CSMD1: variants seen among roughly 807,000 people sequenced by gnomAD.
CSMD1 encodes the protein CUB and Sushi multiple domains 1.
CSMD1 carries 213 observed loss-of-function variants against 417.5 expected under a neutral mutation model. The observed-to-expected ratio is 0.51, with a 90% confidence interval of 0.46 to 0.57. The LOEUF (loss-of-function observed/expected upper bound fraction) is 0.57, where lower values mean the gene tolerates loss of function less well. Among genes scored for constraint, CSMD1 ranks in the 20% least tolerant of loss-of-function variants. CSMD1 has a pLI of 0.00. For synonymous variants in CSMD1, 2,862 were observed against 1,736.8 expected, an observed-to-expected ratio of 1.65 and a Z score of -16.11; for missense variants, 6,923 against 4,529.7, an observed-to-expected ratio of 1.53 and a Z score of -15.17.
chr8:3,893,339 T>TTATATATATATATATATATATATATA (rs56848640), intron 5 of CSMD1, among the ~76,000 whole-genome samples: 6,535 of 78,656 alleles, frequency 0.083, 794 homozygotes, highest in Non-Finnish European at 0.12. Flanking sequence ...ATTCACAATT[T>TTATATATATATATATATATATATATA]TATATATATA....
At chr8:3,350,930 A>C (rs1808378146) in intron 21 of CSMD1, among the ~76,000 whole-genome samples, 1 of 152,328 alleles carries the variant, frequency 6.6e-6, no homozygotes, top group African/African-American at 2.4e-5. Flanking sequence ...AACTGTGCAA[A>C]ATTAACCATC....
intron 6 of CSMD1, among the ~76,000 whole-genome samples, chr8:3,730,681 C>G (rs1472455276): frequency 6.6e-6 from 1 of 152,144 alleles, no homozygotes; most frequent in Admixed American, 6.5e-5. Context: ...ATTTACTAAC[C>G]TCACCAAAAG....
chr8:4,701,831 G>C (rs1360686964), intron 1 of CSMD1, among the ~76,000 whole-genome samples: 5 of 152,142 alleles, frequency 3.3e-5, no homozygotes, highest in African/African-American at 1.2e-4. Context: ...TCTGGATGAA[G>C]AATCCCATGC....
intron 40 of CSMD1, among the ~76,000 whole-genome samples, chr8:3,143,727 C>A (rs905843928): frequency 1.3e-5 from 2 of 152,098 alleles, no homozygotes; most frequent in East Asian, 3.9e-4. Flanking sequence ...CTGCATGGTT[C>A]TTCTGTTTTT....
chr8:4,979,993 G>A (rs2117424182), intron 1 of CSMD1, among the ~76,000 whole-genome samples: 1 of 152,206 alleles, frequency 6.6e-6, no homozygotes, highest in Admixed American at 6.5e-5. Flanking sequence ...AGCCAAGATA[G>A]TGCACTGCAC....
chr8:4,219,771 T>G (rs2099902178), intron 3 of CSMD1, among the ~76,000 whole-genome samples: 1 of 152,214 alleles, frequency 6.6e-6, no homozygotes, highest in African/African-American at 2.4e-5. Flanking sequence ...ATAATATTTT[T>G]AATGTCACCA....
At chr8:3,379,525 G>A (rs1810505701) in intron 18 of CSMD1, among the ~76,000 whole-genome samples, 1 of 152,152 alleles carries the variant, frequency 6.6e-6, no homozygotes, top group African/African-American at 2.4e-5. Context: ...AACAAAAACA[G>A]CAAGGTACTG....
At chr8:4,066,410 C>G (rs570082515) in intron 3 of CSMD1, among the ~76,000 whole-genome samples, 3 of 151,580 alleles carry the variant, frequency 2.0e-5, no homozygotes, top group South Asian at 2.1e-4. Flanking sequence ...CTTAATTTTA[C>G]AGAACACCAC....
chr8:4,379,857 G>C (rs939613746), intron 3 of CSMD1, among the ~76,000 whole-genome samples: 5 of 152,336 alleles, frequency 3.3e-5, no homozygotes, highest in East Asian at 3.9e-4. Flanking sequence ...CTAGGAGACA[G>C]TGATGTTCAC....
At chr8:3,456,774 C>T (rs964885703) in intron 12 of CSMD1, among the ~76,000 whole-genome samples, 3 of 152,058 alleles carry the variant, frequency 2.0e-5, no homozygotes, top group Non-Finnish European at 2.9e-5. Context: ...GCAGATGACC[C>T]ATCCCCATTG....
At chr8:4,708,263 T>G (rs1043961625) in intron 1 of CSMD1, among the ~76,000 whole-genome samples, 1 of 152,214 alleles carries the variant, frequency 6.6e-6, no homozygotes, top group East Asian at 1.9e-4. Flanking sequence ...AGTGTGACTC[T>G]TGATTCCCTT....
At chr8:4,235,810 G>T (rs1330360902) in intron 3 of CSMD1, among the ~76,000 whole-genome samples, 2 of 152,058 alleles carry the variant, frequency 1.3e-5, no homozygotes, top group African/African-American at 4.8e-5. Flanking sequence ...ATTTGTTTTT[G>T]TAACTTGAGA....
chr8:4,835,611 T>C (rs1227257987), intron 1 of CSMD1, among the ~76,000 whole-genome samples: 1 of 152,218 alleles, frequency 6.6e-6, no homozygotes, highest in Non-Finnish European at 1.5e-5. Flanking sequence ...ATTTTGCATA[T>C]GCATAACCTG....
intron 3 of CSMD1, among the ~76,000 whole-genome samples, chr8:4,349,392 G>A (rs978404292): frequency 2.0e-5 from 3 of 152,110 alleles, no homozygotes; most frequent in African/African-American, 7.2e-5. Flanking sequence ...TTTGTGGTAG[G>A]CAGAGGAAAT....
At chr8:3,583,780 G>A (rs1448036802) in intron 9 of CSMD1, among the ~76,000 whole-genome samples, 2 of 152,030 alleles carry the variant, frequency 1.3e-5, no homozygotes, top group African/African-American at 4.8e-5. Context: ...GCGCAGCCAT[G>A]CCCTGAAACC....
intron 5 of CSMD1, among the ~76,000 whole-genome samples, chr8:3,965,843 T>A (rs1309146526): frequency 6.6e-6 from 1 of 152,102 alleles, no homozygotes; most frequent in Non-Finnish European, 1.5e-5. Context: ...GGTCTTGAAC[T>A]CTTGACCTCA....
intron 3 of CSMD1, among the ~76,000 whole-genome samples, chr8:4,141,370 C>G (rs967363502): frequency 6.6e-6 from 1 of 151,112 alleles, no homozygotes; most frequent in Non-Finnish European, 1.5e-5. Context: ...CTTGTATGCT[C>G]CAAGAATACC....
intron 26 of CSMD1, among the ~76,000 whole-genome samples, chr8:3,265,704 G>C (rs538576178): frequency 6.6e-6 from 1 of 152,190 alleles, no homozygotes; most frequent in East Asian, 1.9e-4. Flanking sequence ...AATCTGAAGA[G>C]GTTTTTTTCT....
intron 46 of CSMD1, among the ~76,000 whole-genome samples, chr8:3,100,871 G>C (rs1250128925): frequency 1.3e-5 from 2 of 152,028 alleles, no homozygotes; most frequent in African/African-American, 4.8e-5. Context: ...GAGAAGGTGA[G>C]CCCTCTGTGA....
Sources: gnomAD v4.1 joint callset for allele counts (sites outside exome capture counted in the v4.1 genomes callset) on GRCh38, gnomAD v4.1.1 for gene constraint, MANE v1.5 for transcripts, NCBI Gene and HGNC (gene_info 2026-07-23, HGNC 2026-07-21) for gene names.